The following ERMARD variants were observed in gnomAD, a reference collection of about 807,000 sequenced individuals.
The protein encoded by ERMARD is ER membrane associated RNA degradation.
In ERMARD, 71 loss-of-function variants were observed where a neutral mutation model predicts 83.9. That is an observed-to-expected ratio of 0.85 (90% CI 0.70 to 1.03). ERMARD has a LOEUF of 1.03. Ranked by LOEUF, ERMARD falls within the 50% of genes least tolerant of loss-of-function variation. The probability of loss-of-function intolerance (pLI) is 0.00; values close to 1 mark genes in which losing one functional copy is unlikely to be tolerated. For missense variants in ERMARD, 838 were observed against 810.9 expected, an observed-to-expected ratio of 1.03 and a Z score of -0.41; for synonymous variants, 284 against 298.6, an observed-to-expected ratio of 0.95 and a Z score of 0.50.
chr6:169,766,613 T>C (rs370250565), intron 9 of ERMARD, 25 bp from the exon 10 acceptor site: 5 of 1,559,330 alleles, frequency 3.2e-6, no homozygotes, highest in Non-Finnish European at 2.6e-6. Flanking sequence ...TAATTGTTTA[T>C]TTTCATTTCT....
At chr6:169,759,813 A>G (rs1791296216) in intron 6 of ERMARD, 25 bp from the exon 7 acceptor site, 2 of 1,593,176 alleles carry the variant, frequency 1.3e-6, no homozygotes, top group Non-Finnish European at 1.7e-6. Context: ...ACATTTTTGT[A>G]ACAGATCTCT....
At chr6:169,757,004 CA>C (rs1790899025) in intron 5 of ERMARD, among the ~76,000 whole-genome samples, 196 bp downstream of exon 5, 1 of 152,100 alleles carries the variant, frequency 6.6e-6, no homozygotes. Context: ...GAGGAAGAAG[CA>C]AAAGTGGAGA....
rs1790814117 is a variant in ERMARD at position 169,756,376 on chromosome 6, A to G, written c.354A>G (p.Gln118=). 8.7e-6 allele frequency: 14 copies of G among 1,611,672 alleles called. No homozygotes were observed. Among genetic ancestry groups the G allele is most frequent in the Non-Finnish European group, 1.2e-5 (14 of 1,179,230 alleles). ...TATTTGATGCCTTGGAAAGTCTACA[A>G]TCTCCTGCTATTTCTCTTAGCTTAA... ...PEIFDALESL[Q]SPAISLSLMK... Residue 118 remains glutamine, a synonymous_variant, in exon 4 of 18, where the codon CAA becomes CAG. Transcript: ENST00000366773.
chr6:169,754,532 A>C (rs1790551900), intron 2 of ERMARD, among the ~76,000 whole-genome samples: 1 of 152,200 alleles, frequency 6.6e-6, no homozygotes, highest in Admixed American at 6.5e-5. Context: ...AGATATGAAA[A>C]TGTGTGTGTG....
Position 169,769,559 on chromosome 6 carries a change from T to C in ERMARD, c.1079T>C (p.Leu360Pro). 4 of 1,595,446 alleles carry C rather than the reference T, an allele frequency of 2.5e-6. No homozygotes were observed. The highest frequency in any genetic ancestry group is 3.4e-6 in the Non-Finnish European group (4 of 1,173,810). ...EPAMEFLWDF[L>P]NHQEGPRIRD... ...TGAAAGGAATTTCTCTGGGATTTCC[T>C]GAACCATCAGGAGGGTCCCCGCATA... The change falls in exon 12 of 18, where the codon CTG becomes CCG. Residue 360 changes from leucine (L) to proline (P), a missense_variant. Coordinates refer to ENST00000366773, the MANE Select transcript of ERMARD (RefSeq NM_018341.3).
Position 169,781,527 on chromosome 6 carries a change from A to G in ERMARD, c.*14A>G. On this transcript the variant is annotated 3_prime_UTR_variant, in exon 18 of 18. Coordinates refer to ENST00000366773, the MANE Select transcript of ERMARD (RefSeq NM_018341.3). ...GTACTCTTATGAAAACTTGTAAGTC[A>G]GGATGCTTTTAATTTTAACAGATTT... is the stretch of plus-strand genomic sequence containing the variant. 2 of 1,575,346 alleles carry G rather than the reference A, an allele frequency of 1.3e-6. No individual in the cohort carries two copies. The highest frequency in any genetic ancestry group is 1.9e-5 in the Admixed American group (1 of 52,258).
At chr6:169,774,424 G>A (rs1385458360) in intron 13 of ERMARD, among the ~76,000 whole-genome samples, 1 of 152,186 alleles carries the variant, frequency 6.6e-6, no homozygotes, top group Non-Finnish European at 1.5e-5. Context: ...TACGAAGGTG[G>A]AGGTGGGCAG....
At chr6:169,762,615 T>C (rs1791698557) in intron 9 of ERMARD, 84 bp downstream of exon 9, 1 of 1,167,748 alleles carries the variant, frequency 8.6e-7, no homozygotes. Context: ...TTAAAAATGT[T>C]ATTCTGTTTC....
chr6:169,766,802 C>CA, intron 10 of ERMARD, 135 bp downstream of exon 10: 4 of 936,316 alleles, frequency 4.3e-6, no homozygotes, highest in Non-Finnish European at 5.9e-6. Flanking sequence ...TAATATAAAC[C>CA]AAAAAAAGCT....
At chr6:169,755,235 AT>A (rs768918796) in intron 2 of ERMARD, 47 bp from the exon 3 acceptor site, 25 of 1,567,154 alleles carry the variant, frequency 1.6e-5, no homozygotes, top group East Asian at 2.3e-5. Context: ...ATTTTATATC[AT>A]GTGATATGGA....
intron 3 of ERMARD, 146 bp downstream of exon 3, chr6:169,755,568 A>G (rs1026888712): frequency 1.2e-5 from 11 of 948,862 alleles, no homozygotes; most frequent in Admixed American, 9.2e-5. Context: ...ACCCTGGGCT[A>G]TTATGCAGGG....
In ERMARD at chr6:169,756,334, A is replaced by G. The variant is rs1315785122; in HGVS notation, c.316-4A>G. 1.3e-6 allele frequency: 2 copies of G among 1,573,044 alleles called. No homozygotes were observed. The highest frequency in any genetic ancestry group is 2.7e-5 in the African/African-American group (2 of 73,824). On this transcript the variant is annotated splice_region_variant and splice_polypyrimidine_tract_variant and intron_variant, in intron 3 of 17. Transcript: ENST00000366773. ...CATCCTAATATGTGTTTTATTGTAA[A>G]TAGTTATTTCCTGAAATATTTGATG...
intron 1 of ERMARD, 51 bp downstream of exon 1, chr6:169,751,714 C>G (rs929180693): frequency 2.6e-6 from 4 of 1,522,086 alleles, no homozygotes; most frequent in Non-Finnish European, 3.5e-6. Context: ...AGGGAGTCGG[C>G]GCCAGGCTGG....
chr6:169,759,773 C>T, intron 6 of ERMARD, 65 bp from the exon 7 acceptor site: 5 of 1,418,998 alleles, frequency 3.5e-6, no homozygotes, highest in South Asian at 2.4e-5. Flanking sequence ...GTATTTTTCA[C>T]AGTGAAGCTT....
rs749295823 is a variant in ERMARD, at chr6:169,756,715, T to G, written c.418-4T>G. On this transcript the variant is annotated splice_polypyrimidine_tract_variant and splice_region_variant and intron_variant, in intron 4 of 17. Coordinates refer to ENST00000366773, the MANE Select transcript of ERMARD (RefSeq NM_018341.3). The stretch of plus-strand genomic sequence containing the variant: ...CTGTTACACAATTTTTGTTTGAATT[T>G]TAGGTATTTTTACTGATTGGGAAGG... The G allele has an allele frequency of 1.2e-6, 2 of 1,612,964 alleles. No individual in the cohort carries two copies. Among genetic ancestry groups the G allele is most frequent in the Admixed American group, 3.3e-5 (2 of 60,004 alleles).
chr6:169,751,620 G>A (rs779389146), upstream of ERMARD: 1 of 1,580,370 alleles, frequency 6.3e-7, no homozygotes, highest in Admixed American at 1.9e-5. Context: ...GCAGGCGCCT[G>A]CGTCATTCAC....
chr6:169,753,990 T>C lies in ERMARD; in HGVS notation c.133T>C (p.Cys45Arg), dbSNP rs753006522. Reference protein sequence around the residue: ...NSIVTQNGEVCWKTITDCVSY... With the variant: ...NSIVTQNGEVRWKTITDCVSY... ...CATTGTAACTCAGAATGGTGAAGTATGCTGGAAAACAATCACAGACTGTGT... is the reference window on the plus strand; with the variant it reads ...CATTGTAACTCAGAATGGTGAAGTACGCTGGAAAACAATCACAGACTGTGT... The change falls in exon 2 of 18, where the codon TGC becomes CGC. Residue 45 changes from cysteine (C) to arginine (R), a missense_variant. Physicochemically the swap from Cys to Arg is radical, Grantham distance 180. Coordinates refer to ENST00000366773, the MANE Select transcript of ERMARD (RefSeq NM_018341.3). 1 of 1,613,428 alleles carries C rather than the reference T, an allele frequency of 6.2e-7. No individual in the cohort carries two copies. Among genetic ancestry groups the C allele is most frequent in the Non-Finnish European group, 8.5e-7 (1 of 1,179,552 alleles).
intron 3 of ERMARD, 59 bp from the exon 4 acceptor site, chr6:169,756,279 T>C: frequency 1.9e-6 from 2 of 1,029,186 alleles, no homozygotes; most frequent in Non-Finnish European, 2.8e-6. Context: ...TAAATAATAT[T>C]GTTGCTTTGA....
rs962738590 is a variant in ERMARD, at chr6:169,759,987, T to A, written c.742+13T>A. 3 of 1,613,978 alleles carry A rather than the reference T, an allele frequency of 1.9e-6. No individual in the cohort carries two copies. The highest frequency in any genetic ancestry group is 3.3e-4 in the Middle Eastern group (2 of 6,082). On this transcript the variant is annotated intron_variant, in intron 7 of 17. Transcript: ENST00000366773. The stretch of plus-strand genomic sequence containing the variant: ...ATTGTTTTTCCTGGTAAGTACTATG[T>A]TTCACATTTTTCCTTATAGCTTTGC...
Sources: gnomAD v4.1 joint callset for allele counts (sites outside exome capture counted in the v4.1 genomes callset) on GRCh38, gnomAD v4.1.1 for gene constraint, MANE v1.5 for transcripts, NCBI Gene and HGNC (gene_info 2026-07-23, HGNC 2026-07-21) for gene names.